Variants in FRMD4B observed in about 807,000 individuals in gnomAD.
FRMD4B encodes the protein FERM domain containing 4B.
Under a neutral mutation model 141.5 loss-of-function variants are expected in FRMD4B, and 74 were observed. That is an observed-to-expected ratio of 0.52 (90% confidence interval 0.43 to 0.63). The LOEUF is 0.63. Among genes scored for constraint, FRMD4B ranks in the 30% least tolerant of loss-of-function variants. The pLI is 0.00. For missense variants in FRMD4B, 1,366 were observed against 1,253.4 expected (o/e 1.09, Z -1.36); for synonymous variants, 506 against 467.9 (o/e 1.08, Z -1.05).
At position 69,171,689 on chromosome 3, in the gene FRMD4B, T is replaced by C. The variant is rs1307163350; in HGVS notation, c.*172A>G. 1.6e-6 allele frequency: 1 copy of C among 635,494 alleles called. No individual in the cohort carries two copies. The highest frequency in any genetic ancestry group is 2.7e-6 in the Non-Finnish European group (1 of 364,918). The allele number at this position is 635,494 out of a possible 1,614,324, so 39.4% of individuals were successfully genotyped here. On this transcript the variant is annotated 3_prime_UTR_variant, in exon 23 of 23. Coordinates refer to ENST00000398540, the MANE Select transcript of FRMD4B (RefSeq NM_015123.3). ...AAGGCCAAATCCTCCTTTAGGGGCT[T>C]TGTGGGGCTTGGTGTGTGATTCACT... is the stretch of plus-strand genomic sequence containing the variant.
At chr3:69,283,316 A>AG (rs911574536) in intron 5 of FRMD4B, among the ~76,000 whole-genome samples, 34 of 151,416 alleles carry the variant, frequency 2.2e-4, no homozygotes, top group Non-Finnish European at 4.6e-4. Flanking sequence ...CCCAGGAGGC[A>AG]GGGGTTGCAG....
chr3:69,224,787 A>C, intron 7 of FRMD4B, 97 bp from the exon 8 acceptor site: 4 of 694,904 alleles, frequency 5.8e-6, no homozygotes, highest in Non-Finnish European at 1.0e-5. Flanking sequence ...ATAACTATTT[A>C]CAGCATGTTG....
rs111825647 is a variant in FRMD4B at position 69,217,961 on chromosome 3, T to C, written c.789+361A>G. ...GTAATACACTGATTAAAACATGGTA[T>C]TGCAAATCCTGTAAAAATTTCAGAA... On this transcript the variant is annotated intron_variant, in intron 10 of 22. Coordinates refer to ENST00000398540, the MANE Select transcript of FRMD4B (RefSeq NM_015123.3). 1.8e-3 allele frequency among the ~76,000 whole-genome samples: 276 copies of C among 152,282 alleles called. 1 individual carries two copies. The highest frequency in any genetic ancestry group is 6.2e-3 in the African/African-American group (259 of 41,556).
intron 1 of FRMD4B, among the ~76,000 whole-genome samples, chr3:69,477,196 T>G (rs1244876404): frequency 1.1e-3 from 153 of 145,294 alleles, no homozygotes; most frequent in African/African-American, 2.4e-3. Context: ...TACCCTTTAT[T>G]TCCTTCTCCT....
In FRMD4B at chr3:69,182,793, C is replaced by A. The variant is rs763649952; in HGVS notation, c.1920-76G>T. 33 of 1,410,010 alleles carry A rather than the reference C, an allele frequency of 2.3e-5. No individual in the cohort carries two copies. The East Asian group carries it at 7.6e-4, about 33-fold the overall frequency. The allele number at this position is 1,410,010 out of a possible 1,614,324, so 87.3% of individuals were successfully genotyped here. ...CTGGCAAACTTGTCATAAGCAGATA[C>A]AAAACTTACTAGAAGCCCAAGGAAA... On this transcript the variant is annotated intron_variant, in intron 19 of 22. Transcript: ENST00000398540.
intron 1 of FRMD4B, among the ~76,000 whole-genome samples, chr3:69,449,497 T>C (rs1705460964): frequency 6.6e-6 from 1 of 152,204 alleles, no homozygotes; most frequent in Admixed American, 6.5e-5. Flanking sequence ...TGAATGCATC[T>C]AGATATTATC....
chr3:69,253,653 TTATC>T lies in FRMD4B; in HGVS notation c.502-3558_502-3555del, dbSNP rs137935952. 9.2e-3 allele frequency among the ~76,000 whole-genome samples: 1,399 copies of T among 152,316 alleles called. 20 individuals are homozygous for T. The highest frequency in any genetic ancestry group is 0.032 in the African/African-American group (1,348 of 41,560). On this transcript the variant is annotated intron_variant, in intron 5 of 22. Transcript: ENST00000398540. ...AGTTTGTTTCCAAGCCTACTGCTAA[TTATC>T]TATTTTAAGTAGAAGTCTTTAAAAT...
At chr3:69,384,887 G>C (rs903703788) in intron 1 of FRMD4B, among the ~76,000 whole-genome samples, 1 of 152,126 alleles carries the variant, frequency 6.6e-6, no homozygotes, top group African/African-American at 2.4e-5. Flanking sequence ...ATTAGGAACA[G>C]GGTCAAATGG....
At chr3:69,194,999 A>T in intron 16 of FRMD4B, 23 bp downstream of exon 16, 1 of 1,604,228 alleles carries the variant, frequency 6.2e-7, no homozygotes, top group South Asian at 1.1e-5. Context: ...ATTAATTGAA[A>T]GGCTCAGAGG....
At chr3:69,437,287 G>T (rs1705274528) in intron 1 of FRMD4B, among the ~76,000 whole-genome samples, 1 of 151,868 alleles carries the variant, frequency 6.6e-6, no homozygotes, top group South Asian at 2.1e-4. Flanking sequence ...GCTCAGGCTG[G>T]TCTGGAACTC....
chr3:69,453,132 A>T (rs1320445832), intron 1 of FRMD4B, among the ~76,000 whole-genome samples: 2 of 152,192 alleles, frequency 1.3e-5, no homozygotes, highest in Non-Finnish European at 2.9e-5. Flanking sequence ...TTTATTGAAG[A>T]CACAGGCAGT....
At chr3:69,219,034 G>A (rs934714463) in intron 9 of FRMD4B, among the ~76,000 whole-genome samples, 3 of 151,788 alleles carry the variant, frequency 2.0e-5, no homozygotes, top group African/African-American at 7.3e-5. Context: ...GTGTGGTGGC[G>A]GACACCTGTA....
Position 69,507,360 on chromosome 3 carries a change from C to T in FRMD4B, c.-129+34846G>A, listed in dbSNP as rs111953033. Among the ~76,000 whole-genome samples, 873 of 152,028 alleles carry T rather than the reference C, an allele frequency of 5.7e-3. 11 individuals are homozygous for T. The highest frequency in any genetic ancestry group is 0.02 in the African/African-American group (818 of 41,472). On this transcript the variant is annotated intron_variant, in intron 1 of 5. Coordinates refer to the FRMD4B transcript ENST00000459638. ...TTAGGCATATGCAACCATGCATGCA[C>T]GTATGTATGTGTGTATATGTGTAAG...
chr3:69,249,387 G>A, intron 6 of FRMD4B, 139 bp from the exon 7 acceptor site: 1 of 581,496 alleles, frequency 1.7e-6, no homozygotes, highest in Non-Finnish European at 3.0e-6. Context: ...TCTCCCTATA[G>A]GCATAAGAAG....
chr3:69,524,584 C>A (rs993219283), intron 1 of FRMD4B, among the ~76,000 whole-genome samples: 1 of 152,200 alleles, frequency 6.6e-6, no homozygotes, highest in African/African-American at 2.4e-5. Context: ...CTGGGTAATA[C>A]AGCTCTGCTC....
upstream of FRMD4B, among the ~76,000 whole-genome samples, chr3:69,388,640 C>T (rs1193221369): frequency 6.6e-6 from 1 of 152,172 alleles, no homozygotes; most frequent in East Asian, 1.9e-4. Context: ...AACAAAGTCT[C>T]AATGTCCTCA....
upstream of FRMD4B, among the ~76,000 whole-genome samples, chr3:69,387,301 G>T (rs1187454530): frequency 6.6e-6 from 1 of 152,034 alleles, no homozygotes; most frequent in Non-Finnish European, 1.5e-5. Context: ...TTTTTTTGTA[G>T]AGATGGGGTC....
intron 5 of FRMD4B, among the ~76,000 whole-genome samples, chr3:69,287,232 A>T (rs1473478352): frequency 1.3e-5 from 2 of 152,272 alleles, no homozygotes; most frequent in East Asian, 3.8e-4. Flanking sequence ...ATAAAAAACA[A>T]TAAAAGAAAA....
intron 1 of FRMD4B, among the ~76,000 whole-genome samples, chr3:69,335,687 A>G (rs1317722931): frequency 1.3e-5 from 2 of 151,516 alleles, no homozygotes; most frequent in East Asian, 3.9e-4. Context: ...ATGAAATGTT[A>G]ATAACACAGA....
Sources: allele counts gnomAD v4.1 joint callset (sites outside exome capture counted in the v4.1 genomes callset), GRCh38; gene constraint gnomAD v4.1.1; transcripts MANE v1.5; gene names NCBI Gene and HGNC (gene_info 2026-07-23, HGNC 2026-07-21).